GRIA1: variants seen among roughly 807,000 people sequenced by gnomAD.
The protein encoded by GRIA1 is glutamate ionotropic receptor AMPA type subunit 1.
A neutral mutation model predicts 99.2 loss-of-function variants in GRIA1; 31 were observed. The ratio of observed to expected loss-of-function variants is 0.31; its 90% CI spans 0.23 to 0.42. The LOEUF (loss-of-function observed/expected upper bound fraction) is 0.42. Ranked by LOEUF, GRIA1 falls within the 10% of genes least tolerant of loss-of-function variation. GRIA1 has a pLI of 1.00. For missense variants in GRIA1, 782 were observed against 1,157.5 expected (o/e 0.68, Z 4.71); for synonymous variants, 438 against 432.4 (o/e 1.01, Z -0.16).
intron 13 of GRIA1, among the ~76,000 whole-genome samples, chr5:153,773,654 A>G (rs910559383): frequency 1.3e-5 from 2 of 152,220 alleles, no homozygotes; most frequent in Admixed American, 1.3e-4. Context: ...TAAACACATA[A>G]CAAGCCATTT....
intron 2 of GRIA1, among the ~76,000 whole-genome samples, chr5:153,507,749 A>C (rs1238128893): frequency 1.3e-5 from 2 of 152,202 alleles, no homozygotes; most frequent in African/African-American, 4.8e-5. Context: ...TCTTGTCTCA[A>C]AAAAATATCA....
chr5:153,770,883 T>C (rs71590113), intron 13 of GRIA1, among the ~76,000 whole-genome samples: 583 of 152,342 alleles, frequency 3.8e-3, no homozygotes, highest in Non-Finnish European at 4.8e-3. Context: ...CCTGAGACTC[T>C]GGCTGTGGAA....
chr5:153,566,963 C>G (rs887065939), intron 2 of GRIA1, among the ~76,000 whole-genome samples: 1 of 150,962 alleles, frequency 6.6e-6, no homozygotes, highest in Non-Finnish European at 1.5e-5. Context: ...GTGATCCACC[C>G]GCCTCGGCCT....
intron 2 of GRIA1, among the ~76,000 whole-genome samples, chr5:153,543,502 C>T (rs1759328258): frequency 6.6e-6 from 1 of 151,944 alleles, no homozygotes; most frequent in South Asian, 2.1e-4. Flanking sequence ...TAAACTAAGA[C>T]AAAGTCAGAA....
At chr5:153,784,731 C>T (rs1006599854) in intron 13 of GRIA1, among the ~76,000 whole-genome samples, 1 of 152,182 alleles carries the variant, frequency 6.6e-6, no homozygotes, top group East Asian at 1.9e-4. Context: ...TCAGCGGAGT[C>T]CTATGGGGTC....
At chr5:153,667,360 G>A (rs1324665276) in intron 5 of GRIA1, among the ~76,000 whole-genome samples, 1 of 152,168 alleles carries the variant, frequency 6.6e-6, no homozygotes, top group Non-Finnish European at 1.5e-5. Context: ...AAGAATCCCA[G>A]AGCAAAGGAA....
intron 11 of GRIA1, among the ~76,000 whole-genome samples, chr5:153,763,832 T>G (rs1763338922): frequency 6.6e-6 from 1 of 152,228 alleles, no homozygotes; most frequent in African/African-American, 2.4e-5. Context: ...CTTCCTTGGG[T>G]GAGTGGGGGA....
At chr5:153,549,735 G>A (rs149784254) in intron 2 of GRIA1, among the ~76,000 whole-genome samples, 64 of 144,638 alleles carry the variant, frequency 4.4e-4, no homozygotes, top group Middle Eastern at 7.1e-3. Context: ...ATCTCTCAAA[G>A]TGATCTAGAA....
chr5:153,730,763 A>G (rs1395862763), intron 11 of GRIA1, among the ~76,000 whole-genome samples: 1 of 152,260 alleles, frequency 6.6e-6, no homozygotes, highest in East Asian at 1.9e-4. Flanking sequence ...AATGGACTTC[A>G]TAACGTCCCG....
intron 2 of GRIA1, among the ~76,000 whole-genome samples, chr5:153,601,567 T>C (rs1329500291): frequency 6.6e-6 from 1 of 152,186 alleles, no homozygotes; most frequent in East Asian, 1.9e-4. Context: ...GAAAATTAAA[T>C]CAGAGCGGAA....
intron 2 of GRIA1, among the ~76,000 whole-genome samples, chr5:153,506,386 G>A (rs1172482844): frequency 6.7e-6 from 1 of 150,290 alleles, no homozygotes; most frequent in Non-Finnish European, 1.5e-5. Flanking sequence ...TTCTTTCACA[G>A]AGGAGGAAAA....
chr5:153,579,234 A>G (rs1480614484), intron 2 of GRIA1, among the ~76,000 whole-genome samples: 3 of 152,180 alleles, frequency 2.0e-5, no homozygotes, highest in African/African-American at 7.2e-5. Flanking sequence ...TGGCCATAAA[A>G]TGCTTTGAAA....
At chr5:153,673,447 C>T (rs1186709118) in intron 5 of GRIA1, among the ~76,000 whole-genome samples, 2 of 152,214 alleles carry the variant, frequency 1.3e-5, no homozygotes, top group Non-Finnish European at 2.9e-5. Context: ...AGAATATAAG[C>T]TCCATAAGGG....
intron 2 of GRIA1, among the ~76,000 whole-genome samples, chr5:153,553,607 C>T (rs1006459918): frequency 2.0e-5 from 3 of 152,214 alleles, no homozygotes; most frequent in African/African-American, 7.2e-5. Context: ...GCCGCATGCA[C>T]AGTGTGTTTA....
intron 7 of GRIA1, among the ~76,000 whole-genome samples, chr5:153,684,672 T>C (rs1016431009): frequency 1.1e-4 from 16 of 152,218 alleles, no homozygotes; most frequent in African/African-American, 3.9e-4. Context: ...AAGGGAACAC[T>C]AAAGATTGGC....
intron 2 of GRIA1, among the ~76,000 whole-genome samples, chr5:153,615,536 C>G (rs1581335403): frequency 6.6e-6 from 1 of 152,158 alleles, no homozygotes; most frequent in Admixed American, 6.5e-5. Flanking sequence ...TCCAGCTTCT[C>G]AGGAGACTGA....
intron 2 of GRIA1, among the ~76,000 whole-genome samples, chr5:153,543,497 T>C (rs1009416484): frequency 6.6e-6 from 1 of 152,164 alleles, no homozygotes. Flanking sequence ...TTTAGTAAAC[T>C]AAGACAAAGT....
intron 2 of GRIA1, among the ~76,000 whole-genome samples, chr5:153,530,886 G>T (rs1758037709): frequency 6.6e-6 from 1 of 152,236 alleles, no homozygotes; most frequent in East Asian, 1.9e-4. Flanking sequence ...GCCAGTTACT[G>T]TGCCAGGAGC....
intron 2 of GRIA1, among the ~76,000 whole-genome samples, chr5:153,593,239 C>T (rs993053154): frequency 3.9e-5 from 6 of 152,112 alleles, no homozygotes; most frequent in Non-Finnish European, 8.8e-5. Context: ...TGCCCTCCCA[C>T]CTGGGTGACA....
Sources: allele counts gnomAD v4.1 joint callset (sites outside exome capture counted in the v4.1 genomes callset), GRCh38; gene constraint gnomAD v4.1.1; transcripts MANE v1.5; gene names NCBI Gene and HGNC (gene_info 2026-07-23, HGNC 2026-07-21).